Variants in PCDHGA2 observed in about 807,000 individuals in gnomAD.
PCDHGA2 encodes protocadherin gamma-A2.
In PCDHGA2, 40 loss-of-function variants were observed where a neutral mutation model predicts 59.2. That is an observed-to-expected ratio of 0.68 (90% confidence interval 0.52 to 0.88). The LOEUF (loss-of-function observed/expected upper bound fraction) is 0.88. PCDHGA2 is among the 40% of genes least tolerant of loss of function. The probability of loss-of-function intolerance (pLI) is 0.00; values close to 1 mark genes in which losing one functional copy is unlikely to be tolerated. For missense variants in PCDHGA2, 1,226 were observed against 1,204.0 expected, an observed-to-expected ratio of 1.02 and a Z score of -0.27; for synonymous variants, 560 against 526.0, an observed-to-expected ratio of 1.06 and a Z score of -0.89.
intron 1 of PCDHGA2, chr5:141,430,662 C>A: frequency 8.6e-7 from 1 of 1,169,068 alleles, no homozygotes; most frequent in Non-Finnish European, 1.2e-6. Context: ...AACGGAGGAG[C>A]TCTGACTTCC....
chr5:141,403,592 G>A (rs779516418), intron 1 of PCDHGA2: 1 of 1,613,850 alleles, frequency 6.2e-7, no homozygotes, highest in Non-Finnish European at 8.5e-7. Flanking sequence ...GGTCCTCACG[G>A]CCTCGGATGG....
At chr5:141,400,500 C>T (rs1025270322) in intron 1 of PCDHGA2, 1 of 1,613,922 alleles carries the variant, frequency 6.2e-7, no homozygotes, top group Non-Finnish European at 8.5e-7. Flanking sequence ...GTAATTCCAG[C>T]GAGTCGACTT....
chr5:141,476,180 C>T lies in PCDHGA2; in HGVS notation c.2425-18627C>T. The T allele has an allele frequency of 1.2e-6, 2 of 1,613,664 alleles. No individual in the cohort carries two copies. Among genetic ancestry groups the T allele is most frequent in the East Asian group, 4.5e-5 (2 of 44,838 alleles). On this transcript the variant is annotated intron_variant, in intron 1 of 3. Transcript: ENST00000394576. The surrounding 1 kb of genome is among the most constrained non-coding windows in gnomAD (Gnocchi z 7.6). ...CGGGAGGGTAGTGGGAGTTTTGCTT[C>T]TGCTTGGTGCCTTGAACAAGGCTTC...
intron 1 of PCDHGA2, among the ~76,000 whole-genome samples, chr5:141,381,220 G>C (rs912985270): frequency 6.6e-6 from 1 of 152,190 alleles, no homozygotes; most frequent in African/African-American, 2.4e-5. Context: ...TCTCCTCCTG[G>C]TTCCACCAAC....
At chr5:141,384,596 C>T in intron 1 of PCDHGA2, 1 of 1,614,240 alleles carries the variant, frequency 6.2e-7, no homozygotes. Context: ...CTGTACCCGG[C>T]CCTCCCCACA....
chr5:141,424,184 C>A, intron 1 of PCDHGA2: 1 of 199,136 alleles, frequency 5.0e-6, no homozygotes, highest in Non-Finnish European at 9.9e-6. Context: ...TACACATGCA[C>A]ACACACTTAT....
At chr5:141,351,055 C>T (rs920408141) in intron 1 of PCDHGA2, 1 of 1,614,046 alleles carries the variant, frequency 6.2e-7, no homozygotes, top group Non-Finnish European at 8.5e-7. Flanking sequence ...TGGCCACAGA[C>T]CAGGATGAGG....
intron 1 of PCDHGA2, chr5:141,385,135 G>A (rs948872903): frequency 6.2e-7 from 1 of 1,614,214 alleles, no homozygotes; most frequent in Admixed American, 1.7e-5. Context: ...CATGGACGGG[G>A]TGCAGGCTTT....
intron 2 of PCDHGA2, among the ~76,000 whole-genome samples, chr5:141,502,109 C>G (rs2099812899): frequency 1.3e-5 from 2 of 152,182 alleles, no homozygotes; most frequent in Admixed American, 1.3e-4. Flanking sequence ...ACCCTGCACC[C>G]TCAGCCAGGC....
rs750033444 is a variant in PCDHGA2 at position 141,432,950 on chromosome 5, G to C, written c.2425-61857G>C. 1.2e-6 allele frequency: 2 copies of C among 1,614,190 alleles called. No homozygotes were observed. The highest frequency in any genetic ancestry group is 1.7e-6 in the Non-Finnish European group (2 of 1,180,032). ...ACGCCTGCTGCAGGCTTCAGGAGGC[G>C]GCTTGACAGGAGCGCCGGCGTCGCA... On this transcript the variant is annotated intron_variant, in intron 1 of 3. Transcript: ENST00000394576. The surrounding 1 kb of genome is among the most constrained non-coding windows in gnomAD (Gnocchi z 6.0).
At chr5:141,404,096 G>C in intron 1 of PCDHGA2, 1 of 1,613,610 alleles carries the variant, frequency 6.2e-7, no homozygotes, top group Non-Finnish European at 8.5e-7. Flanking sequence ...GAATGGTCAA[G>C]TTGTCTGTTC....
rs753581561 is a variant in PCDHGA2, at chr5:141,485,195, T to G, written c.2425-9612T>G. 2.2e-5 allele frequency: 36 copies of G among 1,613,912 alleles called. No homozygotes were observed. Among genetic ancestry groups the G allele is most frequent in the Non-Finnish European group, 1.4e-5 (16 of 1,179,906 alleles). ...AGCAATGCTCCGCAAGGTGAGAAGC[T>G]GGACAGAAATCTGGCGGTGGGCTAC... is the stretch of plus-strand genomic sequence containing the variant. On this transcript the variant is annotated intron_variant, in intron 1 of 3. Transcript: ENST00000394576. The surrounding 1 kb of genome is among the most constrained non-coding windows in gnomAD (Gnocchi z 5.7).
intron 1 of PCDHGA2, among the ~76,000 whole-genome samples, chr5:141,472,352 T>G (rs1364883510): frequency 6.6e-6 from 1 of 151,718 alleles, no homozygotes; most frequent in Non-Finnish European, 1.5e-5. Context: ...CCATCCTGGC[T>G]AACACGGTGA....
In PCDHGA2 at chr5:141,491,867, T is replaced by A. The variant is rs1424221139; in HGVS notation, c.2425-2940T>A. On this transcript the variant is annotated intron_variant, in intron 1 of 3. Transcript: ENST00000394576. The surrounding 1 kb of genome is among the most constrained non-coding windows in gnomAD (Gnocchi z 6.9). ...TTGGACCGTTTGCGCGAAACCAGAG[T>A]GGCCGATTAAGGGATGGGGCTCCGA... 6.9e-7 allele frequency: 1 copy of A among 1,452,218 alleles called. No homozygotes were observed. The highest frequency in any genetic ancestry group is 9.1e-7 in the Non-Finnish European group (1 of 1,099,056). The allele number at this position is 1,452,218 out of a possible 1,614,324, so 90.0% of individuals were successfully genotyped here. A position where few individuals can be genotyped will look rare whatever the true frequency, so the allele number is the denominator to read the frequency against.
At chr5:141,379,171 A>G (rs1561582641) in intron 1 of PCDHGA2, 1 of 152,248 alleles carries the variant, frequency 6.6e-6, no homozygotes, top group Non-Finnish European at 1.5e-5. Flanking sequence ...GTCTTCTTAA[A>G]GATAACATTG....
intron 1 of PCDHGA2, among the ~76,000 whole-genome samples, chr5:141,473,542 G>A (rs1444751260): frequency 6.6e-6 from 1 of 152,176 alleles, no homozygotes; most frequent in Non-Finnish European, 1.5e-5. Flanking sequence ...GGGGCCTAAT[G>A]GAAGACCTCT....
intron 1 of PCDHGA2, among the ~76,000 whole-genome samples, chr5:141,460,653 GT>G (rs2098994590): frequency 6.6e-6 from 1 of 151,844 alleles, no homozygotes; most frequent in Admixed American, 6.6e-5. Context: ...TTACACATAT[GT>G]AACTGTAAAC....
At chr5:141,393,082 TAGATCGGG>T in intron 1 of PCDHGA2, 1 of 1,613,652 alleles carries the variant, frequency 6.2e-7, no homozygotes, top group Non-Finnish European at 8.5e-7. Flanking sequence ...GCGGGCAGGA[TAGATCGGG>T]AGGAGCTCTG....
intron 1 of PCDHGA2, chr5:141,402,997 G>C: frequency 3.7e-6 from 6 of 1,613,928 alleles, no homozygotes; most frequent in Non-Finnish European, 5.1e-6. Context: ...GATTAGTCCT[G>C]CTATGCTCGC....
Sources: allele counts gnomAD v4.1 joint callset (sites outside exome capture counted in the v4.1 genomes callset), GRCh38; gene constraint gnomAD v4.1.1; non-coding constraint Gnocchi (gnomAD v3.1); transcripts MANE v1.5; gene names NCBI Gene and HGNC (gene_info 2026-07-23, HGNC 2026-07-21).